The following FCHO2 variants were observed in gnomAD, a reference collection of about 807,000 sequenced individuals.
FCHO2 encodes FCH and mu domain containing endocytic adaptor 2.
Under a neutral mutation model 114.1 loss-of-function variants are expected in FCHO2, and 43 were observed. The observed-to-expected ratio is 0.38, with a 90% CI of 0.30 to 0.49. The LOEUF is 0.49. FCHO2 is among the 20% of genes least tolerant of loss of function. The pLI, the probability that FCHO2 is intolerant of heterozygous loss-of-function variation, is 0.97. For missense variants in FCHO2, 807 were observed against 950.4 expected (o/e 0.85, Z 1.98); for synonymous variants, 293 against 315.2 (o/e 0.93, Z 0.75).
chr5:73,076,012 C>T (rs1742893587), intron 20 of FCHO2, among the ~76,000 whole-genome samples: 1 of 152,060 alleles, frequency 6.6e-6, no homozygotes, highest in East Asian at 1.9e-4. Flanking sequence ...AAAACTAAGT[C>T]TTGATTCCCT....
rs369045522 is a variant in FCHO2 at position 73,020,147 on chromosome 5, G to T, written c.796+2839G>T. ...AACTGCCAGACCCCTGAACTATCCT[G>T]TCAAGTCAGGAATACATAGGGCATA... On this transcript the variant is annotated intron_variant, in intron 8 of 25. Transcript: ENST00000430046. Among the ~76,000 whole-genome samples, 200 of 152,350 alleles carry T rather than the reference G, an allele frequency of 1.3e-3. 1 individual carries two copies. The highest frequency in any genetic ancestry group is 0.011 in the South Asian group (55 of 4,828).
chr5:73,077,611 C>T lies in FCHO2; in HGVS notation c.1847+118C>T, dbSNP rs752610018. On this transcript the variant is annotated intron_variant, in intron 21 of 25. Transcript: ENST00000430046. ...TTGGGAGGCTGAGGCAGGTGGATTGCTTGAGCCCAGTTGTTCAAAACCAGC... is the reference window on the plus strand; with the variant it reads ...TTGGGAGGCTGAGGCAGGTGGATTGTTTGAGCCCAGTTGTTCAAAACCAGC... 1.5e-4 allele frequency: 166 copies of T among 1,119,528 alleles called. 2 individuals carry two copies. The highest frequency in any genetic ancestry group is 1.4e-4 in the Non-Finnish European group (112 of 821,356). The allele number at this position is 1,119,528 out of a possible 1,614,324, so 69.3% of individuals were successfully genotyped here. A position where few individuals can be genotyped will look rare whatever the true frequency, so the allele number is the denominator to read the frequency against.
chr5:72,981,631 C>T (rs868657485), intron 2 of FCHO2, among the ~76,000 whole-genome samples: 1 of 152,172 alleles, frequency 6.6e-6, no homozygotes, highest in African/African-American at 2.4e-5. Flanking sequence ...TTCTTGGAGG[C>T]TTTGTTTGTT....
Position 73,054,531 on chromosome 5 carries a change from A to T in FCHO2, c.1192A>T (p.Met398Leu). ...PAISRHSPVQMNRNLSNEELT... is the reference protein window; with the variant it reads ...PAISRHSPVQLNRNLSNEELT... ...TTTTGCATCTCTGTTTTAGGTACAG[A>T]TGAATCGGAATTTGTCTAGTAAGTT... The change falls in exon 15 of 26, where the codon ATG (methionine) becomes TTG (leucine). Residue 398 changes from methionine to leucine, a missense_variant. By Grantham distance (15) the Met-to-Leu change is conservative. Coordinates refer to ENST00000430046, the MANE Select transcript of FCHO2 (RefSeq NM_138782.3). 1 of 1,541,234 alleles carries T rather than the reference A, an allele frequency of 6.5e-7. No individual in the cohort carries two copies. Among genetic ancestry groups the T allele is most frequent in the Non-Finnish European group, 8.8e-7 (1 of 1,142,192 alleles).
At chr5:72,970,855 C>T (rs1299653525) in intron 2 of FCHO2, among the ~76,000 whole-genome samples, 1 of 152,294 alleles carries the variant, frequency 6.6e-6, no homozygotes, top group East Asian at 1.9e-4. Context: ...CTCCCCTCCC[C>T]GCAACCCACA....
intron 24 of FCHO2, among the ~76,000 whole-genome samples, chr5:73,084,757 T>G (rs754645306): frequency 5.9e-5 from 9 of 152,384 alleles, no homozygotes; most frequent in Non-Finnish European, 1.3e-4. Flanking sequence ...ATAAGACTTT[T>G]ACTGGAGAGC....
chr5:73,050,334 T>TTATA (rs1757285088), intron 11 of FCHO2, among the ~76,000 whole-genome samples: 1 of 150,006 alleles, frequency 6.7e-6, no homozygotes, highest in Non-Finnish European at 1.5e-5. Flanking sequence ...ATTTATTTAT[T>TTATA]TATTTTGACA....
At chr5:73,006,405 C>T in intron 5 of FCHO2, 40 bp from the exon 6 acceptor site, 1 of 1,250,684 alleles carries the variant, frequency 8.0e-7, no homozygotes, top group South Asian at 1.9e-5. Flanking sequence ...GAAAAAAGGT[C>T]AATGCACAGT....
At chr5:72,963,015 A>G (rs553744250) in intron 1 of FCHO2, among the ~76,000 whole-genome samples, 1 of 152,214 alleles carries the variant, frequency 6.6e-6, no homozygotes, top group Non-Finnish European at 1.5e-5. Flanking sequence ...GAGACCTGTA[A>G]TGATATCTAC....
At chr5:73,007,504 C>T (rs1754782717) in intron 6 of FCHO2, among the ~76,000 whole-genome samples, 1 of 152,198 alleles carries the variant, frequency 6.6e-6, no homozygotes, top group South Asian at 2.1e-4. Context: ...ATAGTAGGCA[C>T]TCAGTTAATA....
intron 2 of FCHO2, among the ~76,000 whole-genome samples, chr5:72,978,364 G>A (rs775783031): frequency 6.6e-6 from 1 of 152,054 alleles, no homozygotes. Flanking sequence ...TATTCTTTTT[G>A]TGGCAATTGT....
At chr5:73,023,001 C>T (rs1345516986) in intron 8 of FCHO2, among the ~76,000 whole-genome samples, 1 of 152,004 alleles carries the variant, frequency 6.6e-6, no homozygotes, top group Non-Finnish European at 1.5e-5. Flanking sequence ...AAAGGTTCTG[C>T]TTTTGTCACA....
intron 8 of FCHO2, among the ~76,000 whole-genome samples, chr5:73,022,539 C>A (rs1755684739): frequency 6.6e-6 from 1 of 152,182 alleles, no homozygotes; most frequent in Admixed American, 6.5e-5. Context: ...CTGCCTTATT[C>A]ATGGCAGATA....
chr5:73,040,561 T>A (rs1490743521), intron 10 of FCHO2, among the ~76,000 whole-genome samples: 1 of 152,184 alleles, frequency 6.6e-6, no homozygotes, highest in Non-Finnish European at 1.5e-5. Context: ...CATATTTAGG[T>A]CTTCTTTATA....
chr5:73,067,853 T>G (rs1358280957), intron 18 of FCHO2, among the ~76,000 whole-genome samples: 1 of 152,032 alleles, frequency 6.6e-6, no homozygotes, highest in Non-Finnish European at 1.5e-5. Flanking sequence ...GAATTATTGG[T>G]ACAGTTAGGA....
chr5:73,023,558 G>GGAGT (rs1172140237), intron 8 of FCHO2, among the ~76,000 whole-genome samples: 2 of 152,074 alleles, frequency 1.3e-5, no homozygotes, highest in Non-Finnish European at 2.9e-5. Flanking sequence ...AAATTAGCTG[G>GGAGT]GAGTGGTGAT....
At position 73,088,279 on chromosome 5, in the gene FCHO2, A is replaced by G. The variant is rs1005296829; in HGVS notation, c.*189A>G. On this transcript the variant is annotated 3_prime_UTR_variant, in exon 26 of 26. Coordinates refer to ENST00000430046, the MANE Select transcript of FCHO2 (RefSeq NM_138782.3). Reference sequence around the variant, plus strand: ...ATAAATAGTACTGAAATGATTCTCTATGTTGTAAATGATCAACTACAATAT... The same window carrying G: ...ATAAATAGTACTGAAATGATTCTCTGTGTTGTAAATGATCAACTACAATAT... The G allele has an allele frequency of 1.1e-5, 7 of 641,150 alleles. No individual in the cohort carries two copies. Among genetic ancestry groups the G allele is most frequent in the South Asian group, 4.4e-5 (2 of 45,298 alleles). The allele number at this position is 641,150 out of a possible 1,614,324, so 39.7% of individuals were successfully genotyped here.
chr5:72,989,745 T>C (rs774413260), intron 3 of FCHO2, among the ~76,000 whole-genome samples: 40 of 152,142 alleles, frequency 2.6e-4, no homozygotes, highest in Non-Finnish European at 5.4e-4. Context: ...CATTCAATAG[T>C]GTTTGAGATT....
intron 17 of FCHO2, among the ~76,000 whole-genome samples, chr5:73,062,813 C>T (rs1757912161): frequency 6.6e-6 from 1 of 151,958 alleles, no homozygotes; most frequent in African/African-American, 2.4e-5. Context: ...TTGATTCCTC[C>T]ATTGATGATT....
Sources: gnomAD v4.1 joint callset for allele counts (sites outside exome capture counted in the v4.1 genomes callset) on GRCh38, gnomAD v4.1.1 for gene constraint, MANE v1.5 for transcripts, NCBI Gene and HGNC (gene_info 2026-07-23, HGNC 2026-07-21) for gene names.